OAS2: variants seen among roughly 807,000 people sequenced by gnomAD.
OAS2 encodes the protein 2'-5'-oligoadenylate synthase 2.
A neutral mutation model predicts 71.3 loss-of-function variants in OAS2; 67 were observed. The ratio of observed to expected loss-of-function variants is 0.94; its 90% confidence interval spans 0.77 to 1.15. The LOEUF is 1.15. OAS2 is among the 50% of genes most tolerant of loss of function. The pLI is 0.00. For synonymous variants in OAS2, 327 were observed against 321.8 expected (o/e 1.02, Z -0.17); for missense variants, 789 against 822.5 (o/e 0.96, Z 0.50).
At chr12:113,004,804 C>G (rs996926517) in intron 6 of OAS2, 130 bp from the exon 7 acceptor site, 1 of 781,214 alleles carries the variant, frequency 1.3e-6, no homozygotes, top group Non-Finnish European at 2.1e-6. Context: ...TGGACTCAGC[C>G]CTCACTGAAC....
rs16942427 is a variant in OAS2 at position 113,008,007 on chromosome 12, T to C, written c.1895+64T>C. ...TCCCTTGAACACTGTCTCAGCAACCTGGATTTTCCTCTGCTGGGGTCACGA... is the reference window on the plus strand; with the variant it reads ...TCCCTTGAACACTGTCTCAGCAACCCGGATTTTCCTCTGCTGGGGTCACGA... On this transcript the variant is annotated intron_variant, in intron 9 of 9. Transcript: ENST00000392583. The C allele has an allele frequency of 8.6e-3, 10,102 of 1,173,686 alleles. 570 individuals are homozygous for C. The African/African-American group carries it at 0.13, about 15-fold the overall frequency. The allele number at this position is 1,173,686 out of a possible 1,614,324, so 72.7% of individuals were successfully genotyped here. A position where few individuals can be genotyped will look rare whatever the true frequency, so the allele number is the denominator to read the frequency against.
chr12:112,997,599 G>C lies in OAS2; in HGVS notation c.707G>C (p.Gly236Ala). Residue 236 changes from glycine (G) to alanine (A), a missense_variant, in exon 4 of 10, where the codon GGG (glycine) becomes GCG (alanine). By Grantham distance (60) the Gly-to-Ala change is moderately conservative. Transcript: ENST00000392583. ...CTTACGGTGTATGCCTGGGAACAGG[G>C]GTGCAGAAAAGACAACTTTGACATT... The part of the protein sequence containing the change: ...ELLTVYAWEQ[G>A]CRKDNFDIAE... The C allele has an allele frequency of 6.2e-7, 1 of 1,614,148 alleles. No homozygotes were observed. Among genetic ancestry groups the C allele is most frequent in the Admixed American group, 1.7e-5 (1 of 60,028 alleles).
At chr12:112,984,980 C>A (rs1371017966) in intron 1 of OAS2, among the ~76,000 whole-genome samples, 1 of 152,042 alleles carries the variant, frequency 6.6e-6, no homozygotes, top group East Asian at 1.9e-4. Flanking sequence ...TCATCCTATT[C>A]TCTTCTGACC....
At chr12:112,980,983 T>G (rs2044076191) in intron 1 of OAS2, among the ~76,000 whole-genome samples, 1 of 152,214 alleles carries the variant, frequency 6.6e-6, no homozygotes, top group Admixed American at 6.5e-5. Context: ...CAAGCATTTT[T>G]TCATATACCC....
intron 1 of OAS2, among the ~76,000 whole-genome samples, chr12:112,986,715 G>A (rs2044140295): frequency 6.6e-6 from 1 of 152,042 alleles, no homozygotes; most frequent in African/African-American, 2.4e-5. Context: ...TCCCCCAGAT[G>A]CGCACAGGCA....
chr12:112,986,455 T>C (rs1208401350), intron 1 of OAS2, among the ~76,000 whole-genome samples: 1 of 152,096 alleles, frequency 6.6e-6, no homozygotes, highest in Non-Finnish European at 1.5e-5. Context: ...GCATCAGTGA[T>C]GGCAAGCTGG....
chr12:113,002,546 T>C (rs565075627), intron 5 of OAS2, among the ~76,000 whole-genome samples: 2 of 151,982 alleles, frequency 1.3e-5, no homozygotes, highest in Non-Finnish European at 2.9e-5. Flanking sequence ...CTACAGCAAA[T>C]GGGAAGACAG....
intron 5 of OAS2, among the ~76,000 whole-genome samples, chr12:113,001,643 C>T (rs1374795547): frequency 6.6e-6 from 1 of 150,978 alleles, no homozygotes. Context: ...ATCTTCCAGC[C>T]TCTCTCTCTA....
At chr12:113,008,445 C>T (rs2044353258) in intron 9 of OAS2, among the ~76,000 whole-genome samples, 1 of 152,078 alleles carries the variant, frequency 6.6e-6, no homozygotes. Flanking sequence ...CGGTGGGTTG[C>T]CTACCCTGGG....
intron 4 of OAS2, 127 bp downstream of exon 4, chr12:112,997,882 G>A: frequency 1.3e-6 from 1 of 760,928 alleles, no homozygotes; most frequent in Non-Finnish European, 2.1e-6. Flanking sequence ...AGCCACCATG[G>A]GTGGGGAGGC....
chr12:112,978,599 G>A lies in OAS2; in HGVS notation c.-10G>A, dbSNP rs1349172920. 1.2e-6 allele frequency: 2 copies of A among 1,613,800 alleles called. No homozygotes were observed. Among genetic ancestry groups the A allele is most frequent in the Non-Finnish European group, 1.7e-6 (2 of 1,179,834 alleles). ...CCATTCACTGTCTTGCCGGCAGCCA[G>A]CTGAGAGCAATGGGAAATGGGGAGT... is the stretch of plus-strand genomic sequence containing the variant. On this transcript the variant is annotated 5_prime_UTR_variant, in exon 1 of 10. Coordinates refer to ENST00000392583, the MANE Select transcript of OAS2 (RefSeq NM_002535.3). This position sits in a 1 kb window ranked among gnomAD's most constrained non-coding sequence, Gnocchi z 4.2.
chr12:112,980,117 G>GT (rs1346745045), intron 1 of OAS2, among the ~76,000 whole-genome samples: 2 of 151,916 alleles, frequency 1.3e-5, no homozygotes, highest in African/African-American at 4.8e-5. Flanking sequence ...ATTCTACTGT[G>GT]TTTTTTTATT....
At chr12:113,005,962 C>T (rs1375483517) in intron 7 of OAS2, among the ~76,000 whole-genome samples, 6 of 140,354 alleles carry the variant, frequency 4.3e-5, no homozygotes, top group Non-Finnish European at 9.1e-5. Flanking sequence ...CAAGAAGCAG[C>T]GCACCAGATT....
Position 113,007,904 on chromosome 12 carries a change from C to T in OAS2, c.1856C>T (p.Thr619Ile), listed in dbSNP as rs1418353909. The T allele has an allele frequency of 6.2e-7, 1 of 1,614,100 alleles. No individual in the cohort carries two copies. The highest frequency in any genetic ancestry group is 1.7e-5 in the Admixed American group (1 of 60,012). The change falls in exon 9 of 10, where the codon ACC becomes ATC. Residue 619 changes from threonine (T) to isoleucine (I), a missense_variant. Transcript: ENST00000392583. The stretch of plus-strand genomic sequence containing the variant: ...GTCAATTACAACTTTGAAGATGAGA[C>T]CGTGAGGAAGTTTCTACTGAGCCAG... ...WKVNYNFEDE[T>I]VRKFLLSQLQ...
rs1349223125 is a variant in OAS2, at chr12:113,004,250, T to C, written c.1180-684T>C. Reference sequence around the variant, plus strand: ...TGAAGGGGGCTGGAACAGGGATGAATTGAGGATCTGCATACAGGAAATAGA... The same window carrying C: ...TGAAGGGGGCTGGAACAGGGATGAACTGAGGATCTGCATACAGGAAATAGA... On this transcript the variant is annotated intron_variant, in intron 6 of 9. Coordinates refer to ENST00000392583, the MANE Select transcript of OAS2 (RefSeq NM_002535.3). Among the ~76,000 whole-genome samples the C allele has an allele frequency of 2.6e-5, 4 of 152,162 alleles. 1 individual carries two copies. The highest frequency in any genetic ancestry group is 2.0e-4 in the Admixed American group (3 of 15,282).
rs574399548 is a variant in OAS2, at chr12:112,993,268, C to T, written c.449-2028C>T. ...TGCCACTACAACTCTCCCCCTAGGG[C>T]CTTTGACCCAAAGCAAGAAGTACCT... On this transcript the variant is annotated intron_variant, in intron 2 of 9. Transcript: ENST00000392583. Among the ~76,000 whole-genome samples the T allele has an allele frequency of 4.6e-4, 70 of 152,324 alleles. No homozygotes were observed. The South Asian group carries it at 0.014, about 31-fold the overall frequency.
At chr12:112,986,084 C>G (rs1174123030) in intron 1 of OAS2, among the ~76,000 whole-genome samples, 4 of 152,254 alleles carry the variant, frequency 2.6e-5, no homozygotes, top group Admixed American at 6.5e-5. Flanking sequence ...GTTAGTGGAG[C>G]CTCCACATGA....
chr12:112,982,234 G>T (rs970594395), intron 1 of OAS2, among the ~76,000 whole-genome samples: 1 of 152,004 alleles, frequency 6.6e-6, no homozygotes, highest in African/African-American at 2.4e-5. Context: ...TATCTTTTGG[G>T]ATTGCTTTGG....
intron 1 of OAS2, among the ~76,000 whole-genome samples, chr12:112,979,803 T>G (rs2044063163): frequency 6.6e-6 from 1 of 152,212 alleles, no homozygotes; most frequent in South Asian, 2.1e-4. Flanking sequence ...GGCAATCTCC[T>G]GACTTCTAAC....
Sources: gnomAD v4.1 joint callset for allele counts (sites outside exome capture counted in the v4.1 genomes callset) on GRCh38, gnomAD v4.1.1 for gene constraint, Gnocchi (gnomAD v3.1) non-coding constraint, MANE v1.5 for transcripts, NCBI Gene and HGNC (gene_info 2026-07-23, HGNC 2026-07-21) for gene names.